Variants in MRPL43 observed in about 807,000 individuals in gnomAD.
MRPL43 encodes the protein large ribosomal subunit protein mL43.
In MRPL43, 9 loss-of-function variants were observed where a neutral mutation model predicts 12.7. The observed-to-expected ratio is 0.71, with a 90% CI of 0.43 to 1.24. MRPL43 has a LOEUF of 1.24. Among genes scored for constraint, MRPL43 ranks in the 50% most tolerant of loss-of-function variants. The pLI is 0.00. For missense variants in MRPL43, 211 were observed against 229.2 expected, an observed-to-expected ratio of 0.92 and a Z score of 0.51; for synonymous variants, 116 against 96.4, an observed-to-expected ratio of 1.20 and a Z score of -1.19.
At chr10:100,978,239 A>G, downstream of MRPL43, 3 of 1,347,686 alleles carry the variant, frequency 2.2e-6, no homozygotes, top group East Asian at 2.4e-5. Context: ...TCTGACTTTG[A>G]GCCACTGTCC....
In MRPL43 at chr10:100,987,466, A is replaced by G. The variant is rs768553069; in HGVS notation, c.-23T>C. 16 of 1,609,214 alleles carry G rather than the reference A, an allele frequency of 9.9e-6. No homozygotes were observed. The highest frequency in any genetic ancestry group is 5.0e-5 in the Admixed American group (3 of 59,784). On this transcript the variant is annotated 5_prime_UTR_variant, in exon 1 of 3. Coordinates refer to ENST00000318364, the MANE Select transcript of MRPL43 (RefSeq NM_032112.3). Reference sequence around the variant, plus strand: ...CATAGCTACAGCTTGGAGGCCGCGGAGCCTAAGCAGCGAGGAGAGGGGGGC... The same window carrying G: ...CATAGCTACAGCTTGGAGGCCGCGGGGCCTAAGCAGCGAGGAGAGGGGGGC...
At chr10:100,980,838 G>C (rs777088467), downstream of MRPL43, 2 of 1,580,020 alleles carry the variant, frequency 1.3e-6, no homozygotes, top group Admixed American at 1.9e-5. Flanking sequence ...CTCTATGTGG[G>C]GGCTCCTAGC....
chr10:100,987,201 G>T lies in MRPL43; in HGVS notation c.132-5C>A, dbSNP rs761716043. The T allele has an allele frequency of 1.3e-5, 21 of 1,613,664 alleles. No homozygotes were observed. Among genetic ancestry groups the T allele is most frequent in the Non-Finnish European group, 8.5e-7 (1 of 1,180,034 alleles). ...ACCTCCCGCTCCACGAACTCCCTAA[G>T]CGACCCGGGACAGTGAGCAGTATGA... On this transcript the variant is annotated splice_region_variant and splice_polypyrimidine_tract_variant and intron_variant, in intron 1 of 2. Coordinates refer to ENST00000318364, the MANE Select transcript of MRPL43 (RefSeq NM_032112.3).
downstream of MRPL43, chr10:100,980,112 CCCA>C: frequency 6.2e-7 from 1 of 1,614,074 alleles, no homozygotes; most frequent in Non-Finnish European, 8.5e-7. Flanking sequence ...ACCTTCGTCC[CCCA>C]CGCCAGTGTA....
downstream of MRPL43, chr10:100,979,195 C>G (rs576159833): frequency 6.8e-6 from 11 of 1,614,204 alleles, no homozygotes; most frequent in Non-Finnish European, 9.3e-6. Context: ...TGAGACACTG[C>G]GTGGGGTCTG....
At chr10:100,979,049 T>C, downstream of MRPL43, 5 of 1,613,308 alleles carry the variant, frequency 3.1e-6, no homozygotes, top group Non-Finnish European at 3.4e-6. Context: ...GGCACGGGTA[T>C]AGAGGCTGGA....
At chr10:100,981,057 A>T, downstream of MRPL43, 1 of 1,599,272 alleles carries the variant, frequency 6.3e-7, no homozygotes, top group East Asian at 2.2e-5. Context: ...AAGGCCTGAT[A>T]GCTACTGGGG....
At chr10:100,981,066 G>A (rs1851046861), downstream of MRPL43, 7 of 1,598,980 alleles carry the variant, frequency 4.4e-6, no homozygotes, top group Non-Finnish European at 6.0e-6. Flanking sequence ...TAGCTACTGG[G>A]GGAGTGCAGG....
At chr10:100,982,327 C>A (rs1381132318), downstream of MRPL43, among the ~76,000 whole-genome samples, 2 of 152,128 alleles carry the variant, frequency 1.3e-5, no homozygotes, top group African/African-American at 2.4e-5. Flanking sequence ...CAATAGGAAA[C>A]CTCTGAAGAG....
At chr10:100,985,290 G>A (rs549901293), downstream of MRPL43, 104 of 175,352 alleles carry the variant, frequency 5.9e-4, no homozygotes, top group Non-Finnish European at 9.6e-4. Flanking sequence ...CTACCTCACC[G>A]GGGCACTTTC....
downstream of MRPL43, chr10:100,978,372 C>T: frequency 6.2e-7 from 1 of 1,613,278 alleles, no homozygotes; most frequent in African/African-American, 1.3e-5. Context: ...CCCGTGGCTT[C>T]ACAGGCCTCA....
At chr10:100,985,023 G>A, downstream of MRPL43, 2 of 1,059,516 alleles carry the variant, frequency 1.9e-6, no homozygotes, top group Non-Finnish European at 2.6e-6. Flanking sequence ...TGTCTGTTGG[G>A]TTTAGTCCGT....
At chr10:100,983,512 A>G (rs1298897763), downstream of MRPL43, 3 of 1,614,200 alleles carry the variant, frequency 1.9e-6, no homozygotes, top group South Asian at 3.3e-5. Flanking sequence ...TATGGCTGCT[A>G]TGCCGAGGAA....
Position 100,986,828 on chromosome 10 carries a change from T to G in MRPL43, c.386A>C (p.Gln129Pro). The G allele has an allele frequency of 1.2e-6, 2 of 1,613,922 alleles. No individual in the cohort carries two copies. Among genetic ancestry groups the G allele is most frequent in the South Asian group, 1.1e-5 (1 of 91,072 alleles). ...FHTDNPSIQG[Q>P]WHPFTNKPTT... ...CGGCTTGTTGGTGAAGGGGTGCCAC[T>G]GGCCCTGGATGCTAGGGTTGTCGGT... Residue 129 changes from glutamine to proline, a missense_variant, in exon 3 of 3, where the codon CAG (glutamine) becomes CCG (proline). Coordinates refer to ENST00000318364, the MANE Select transcript of MRPL43 (RefSeq NM_032112.3).
At chr10:100,983,019 T>C (rs976441342), downstream of MRPL43, among the ~76,000 whole-genome samples, 2 of 152,060 alleles carry the variant, frequency 1.3e-5, no homozygotes, top group African/African-American at 4.8e-5. Context: ...AGGAGAGAAG[T>C]CTGAGGTAGA....
At chr10:100,981,071 T>G, downstream of MRPL43, 2 of 1,599,858 alleles carry the variant, frequency 1.3e-6, no homozygotes, top group Non-Finnish European at 1.7e-6. Context: ...ACTGGGGGAG[T>G]GCAGGGGCTA....
chr10:100,984,078 G>C, downstream of MRPL43: 1 of 1,613,410 alleles, frequency 6.2e-7, no homozygotes. Context: ...CCGCATCCTG[G>C]AAAAAAGGAA....
downstream of MRPL43, chr10:100,984,889 T>C: frequency 2.7e-6 from 4 of 1,467,270 alleles, no homozygotes; most frequent in South Asian, 4.1e-5. Flanking sequence ...TTCTCAAGAG[T>C]ATGAGAGACA....
At chr10:100,987,231 T>G in intron 1 of MRPL43, 35 bp from the exon 2 acceptor site, 2 of 1,613,068 alleles carry the variant, frequency 1.2e-6, no homozygotes, top group South Asian at 2.2e-5. Context: ...GTATGACCCC[T>G]GACTGGGGGC....
Sources: gnomAD v4.1 joint callset for allele counts (sites outside exome capture counted in the v4.1 genomes callset) on GRCh38, gnomAD v4.1.1 for gene constraint, MANE v1.5 for transcripts, NCBI Gene and HGNC (gene_info 2026-07-23, HGNC 2026-07-21) for gene names.